Variants in MBNL2 observed in about 807,000 individuals in gnomAD.
The protein encoded by MBNL2 is muscleblind like splicing regulator 2.
A neutral mutation model predicts 41.9 loss-of-function variants in MBNL2; 17 were observed. The observed-to-expected ratio is 0.41, with a 90% confidence interval of 0.28 to 0.61. The LOEUF (loss-of-function observed/expected upper bound fraction) is 0.61, where lower values mean the gene tolerates loss of function less well. Ranked by LOEUF, MBNL2 falls within the 20% of genes least tolerant of loss-of-function variation. MBNL2 has a pLI of 0.35. For synonymous variants in MBNL2, 195 were observed against 182.9 expected, an observed-to-expected ratio of 1.07 and a Z score of -0.53; for missense variants, 336 against 505.6, an observed-to-expected ratio of 0.66 and a Z score of 3.22.
chr13:97,322,667 C>T (rs1386236184), intron 2 of MBNL2, among the ~76,000 whole-genome samples: 1 of 151,926 alleles, frequency 6.6e-6, no homozygotes, highest in Non-Finnish European at 1.5e-5. Flanking sequence ...CTCTATTTTT[C>T]CCATCTTCTT....
At chr13:97,193,899 G>A in the MBNL2 span, among the ~76,000 whole-genome samples, 1 of 152,150 alleles carries the variant, frequency 6.6e-6, no homozygotes, top group Non-Finnish European at 1.5e-5. Flanking sequence ...ATCATTTTGG[G>A]TCACTTTCTT....
At chr13:97,253,760 G>GTATTAATT (rs906344158) in intron 1 of MBNL2, among the ~76,000 whole-genome samples, 4 of 131,388 alleles carry the variant, frequency 3.0e-5, no homozygotes, top group Admixed American at 2.8e-4. Flanking sequence ...TTATTAATAC[G>GTATTAATT]TATTAATTTA....
At position 97,279,623 on chromosome 13, in the gene MBNL2, A is replaced by G. The variant is rs544591043; in HGVS notation, c.174+3214A>G. ...AGAAAAAAGATTTGGGGGACACAAT[A>G]TTTTTGTTATTTATTACAAGATATT... On this transcript the variant is annotated intron_variant, in intron 2 of 8. Coordinates refer to ENST00000679496, the MANE Select transcript of MBNL2 (RefSeq NM_001382683.1). Among the ~76,000 whole-genome samples, 3 of 152,322 alleles carry G rather than the reference A, an allele frequency of 2.0e-5. No individual in the cohort carries two copies. The South Asian group carries it at 6.2e-4, about 32-fold the overall frequency.
At chr13:97,330,636 G>A (rs1402519041) in intron 2 of MBNL2, among the ~76,000 whole-genome samples, 3 of 152,164 alleles carry the variant, frequency 2.0e-5, no homozygotes, top group African/African-American at 7.2e-5. Context: ...ACACAAAGAC[G>A]CTTTACGCTT....
At chr13:97,330,717 C>A (rs2060362027) in intron 2 of MBNL2, among the ~76,000 whole-genome samples, 1 of 152,206 alleles carries the variant, frequency 6.6e-6, no homozygotes, top group Non-Finnish European at 1.5e-5. Context: ...TACACTGATG[C>A]ATATCCTGGC....
chr13:97,177,969 C>T, the MBNL2 span, among the ~76,000 whole-genome samples: 3 of 152,172 alleles, frequency 2.0e-5, no homozygotes, highest in Admixed American at 2.0e-4. Flanking sequence ...CATTGCCAGA[C>T]ATTTGAGATT....
intron 1 of MBNL2, among the ~76,000 whole-genome samples, chr13:97,264,453 A>G (rs1310078479): frequency 6.6e-6 from 1 of 150,770 alleles, no homozygotes; most frequent in Non-Finnish European, 1.5e-5. Flanking sequence ...CAGTGCTGCA[A>G]ACAAACAGGT....
rs1328508777 is a variant in MBNL2 at position 97,366,674 on chromosome 13, T to A, written c.1048+1503T>A. 11 of 726,274 alleles carry A rather than the reference T, an allele frequency of 1.5e-5. No individual in the cohort carries two copies. Among genetic ancestry groups the A allele is most frequent in the Non-Finnish European group, 2.5e-5 (10 of 400,366 alleles). The allele number at this position is 726,274 out of a possible 1,614,324, so 45.0% of individuals were successfully genotyped here. Reference sequence around the variant, plus strand: ...GTTTATCCATCAAATTTTATTTTTTTAATTAGTTTATAGCAAGCATTTACA... The same window carrying A: ...GTTTATCCATCAAATTTTATTTTTTAAATTAGTTTATAGCAAGCATTTACA... On this transcript the variant is annotated intron_variant, in intron 8 of 8. Coordinates refer to ENST00000679496, the MANE Select transcript of MBNL2 (RefSeq NM_001382683.1). The surrounding 1 kb of genome is among the most constrained non-coding windows in gnomAD (Gnocchi z 4.7).
At chr13:97,218,738 A>G (rs1022288342), upstream of MBNL2, among the ~76,000 whole-genome samples, 1 of 152,084 alleles carries the variant, frequency 6.6e-6, no homozygotes, top group African/African-American at 2.4e-5. Flanking sequence ...TAAGGAAAGA[A>G]GAAGGAGGAG....
chr13:97,292,172 G>C (rs958428368), intron 2 of MBNL2, among the ~76,000 whole-genome samples: 2 of 138,576 alleles, frequency 1.4e-5, no homozygotes, highest in African/African-American at 5.7e-5. Context: ...CTGCACTCCA[G>C]CCTGGGCAAC....
the MBNL2 span, among the ~76,000 whole-genome samples, chr13:97,194,210 T>TACTTTC: frequency 6.6e-6 from 1 of 152,246 alleles, no homozygotes; most frequent in Non-Finnish European, 1.5e-5. Flanking sequence ...CAAATTGTTT[T>TACTTTC]ACTTTCAGTG....
At chr13:97,201,639 T>C in the MBNL2 span, among the ~76,000 whole-genome samples, 1 of 152,212 alleles carries the variant, frequency 6.6e-6, no homozygotes, top group Non-Finnish European at 1.5e-5. Context: ...GCTTTATCAG[T>C]AGATACATTG....
intron 2 of MBNL2, among the ~76,000 whole-genome samples, chr13:97,303,436 G>A (rs949950465): frequency 1.1e-4 from 17 of 152,138 alleles, no homozygotes; most frequent in African/African-American, 4.1e-4. Context: ...CACCATAGAA[G>A]TAAATAAGAA....
intron 1 of MBNL2, among the ~76,000 whole-genome samples, chr13:97,261,894 C>G (rs956701384): frequency 2.0e-5 from 3 of 152,206 alleles, no homozygotes; most frequent in Non-Finnish European, 4.4e-5. Context: ...TCCATGACAG[C>G]CAGCCACCCT....
At chr13:97,301,935 C>G (rs1342621082) in intron 2 of MBNL2, among the ~76,000 whole-genome samples, 1 of 152,210 alleles carries the variant, frequency 6.6e-6, no homozygotes, top group Non-Finnish European at 1.5e-5. Context: ...GCAGTAAGCT[C>G]TACTCCTCTC....
At position 97,388,314 on chromosome 13, in the gene MBNL2, C is replaced by CATATATATATATATATATATATATATAT. The variant is rs34389348; in HGVS notation, c.1049-2986_1049-2985insATATATATATATATATATATATATATAT. ...AAAAGTTTATACATATACATACATA[C>CATATATATATATATATATATATATATAT]ATATATATATATATATATATATCAT... On this transcript the variant is annotated intron_variant, in intron 8 of 8. Coordinates refer to ENST00000679496, the MANE Select transcript of MBNL2 (RefSeq NM_001382683.1). Among the ~76,000 whole-genome samples the CATATATATATATATATATATATATATAT allele has an allele frequency of 4.9e-4, 68 of 139,672 alleles. 1 individual carries two copies. The highest frequency in any genetic ancestry group is 4.0e-3 in the Middle Eastern group (1 of 250). The allele number at this position is 139,672 out of a possible 152,430, so 91.6% of individuals were successfully genotyped here.
the MBNL2 span, among the ~76,000 whole-genome samples, chr13:97,204,405 T>C: frequency 6.6e-6 from 1 of 152,184 alleles, no homozygotes; most frequent in African/African-American, 2.4e-5. Flanking sequence ...AAACATCCAT[T>C]TAAAATACTT....
chr13:97,346,721 C>A lies in MBNL2; in HGVS notation c.541-83C>A. 8.5e-7 allele frequency: 1 copy of A among 1,181,778 alleles called. No homozygotes were observed. Among genetic ancestry groups the A allele is most frequent in the Non-Finnish European group, 1.2e-6 (1 of 827,098 alleles). The allele number at this position is 1,181,778 out of a possible 1,614,324, so 73.2% of individuals were successfully genotyped here. A position where few individuals can be genotyped will look rare whatever the true frequency, so the allele number is the denominator to read the frequency against. ...CCACCATTGAAAGCGAGGCAGCCTC[C>A]GCTCCTCCCGCGGTGGCCGGGGCCG... On this transcript the variant is annotated intron_variant, in intron 4 of 8. Transcript: ENST00000679496. This position sits in a 1 kb window ranked among gnomAD's most constrained non-coding sequence, Gnocchi z 4.2.
intron 2 of MBNL2, among the ~76,000 whole-genome samples, chr13:97,329,497 T>G (rs2060189146): frequency 6.6e-6 from 1 of 151,950 alleles, no homozygotes; most frequent in Admixed American, 6.6e-5. Flanking sequence ...TTCTCACTCC[T>G]CATGCTCCTC....
Sources: allele counts gnomAD v4.1 joint callset (sites outside exome capture counted in the v4.1 genomes callset), GRCh38; gene constraint gnomAD v4.1.1; non-coding constraint Gnocchi (gnomAD v3.1); transcripts MANE v1.5; gene names NCBI Gene and HGNC (gene_info 2026-07-23, HGNC 2026-07-21).